CDH4: variants seen among roughly 807,000 people sequenced by gnomAD.
CDH4 encodes the protein cadherin 4.
CDH4 carries 33 observed loss-of-function variants against 86.0 expected under a neutral mutation model. The ratio of observed to expected loss-of-function variants is 0.38; its 90% CI spans 0.29 to 0.51. The LOEUF is 0.51. CDH4 is among the 20% of genes least tolerant of loss of function. CDH4 has a pLI of 0.86. For synonymous variants in CDH4, 555 were observed against 549.4 expected (o/e 1.01, Z -0.14); for missense variants, 1,114 against 1,307.4 (o/e 0.85, Z 2.28).
At chr20:61,878,560 G>T in intron 7 of CDH4, among the ~76,000 whole-genome samples, 1 of 152,000 alleles carries the variant, frequency 6.6e-6, no homozygotes, top group Non-Finnish European at 1.5e-5. Context: ...CAGGGCCCCC[G>T]CCTGGCCCCA....
At chr20:61,706,692 T>C (rs1600895645) in intron 2 of CDH4, among the ~76,000 whole-genome samples, 1 of 152,214 alleles carries the variant, frequency 6.6e-6, no homozygotes, top group East Asian at 1.9e-4. Flanking sequence ...TGATCCCCGA[T>C]GTGTAGAAAC....
intron 4 of CDH4, among the ~76,000 whole-genome samples, chr20:61,813,770 A>G (rs1370741889): frequency 6.6e-6 from 1 of 152,122 alleles, no homozygotes; most frequent in Non-Finnish European, 1.5e-5. Flanking sequence ...GACTCTTCCC[A>G]GGAAGCTATG....
chr20:61,288,275 C>T (rs1175116831), intron 2 of CDH4, among the ~76,000 whole-genome samples: 3 of 152,154 alleles, frequency 2.0e-5, no homozygotes, highest in African/African-American at 7.2e-5. Context: ...TCTCAATCTT[C>T]TGGATAGGCC....
chr20:61,505,085 A>G (rs2085731012), intron 2 of CDH4, among the ~76,000 whole-genome samples: 1 of 152,190 alleles, frequency 6.6e-6, no homozygotes, highest in African/African-American at 2.4e-5. Context: ...GGTGGAGATT[A>G]TTTTAAAATC....
In CDH4 at chr20:61,517,742, C is replaced by T. The variant is rs557943274; in HGVS notation, c.170-225821C>T. Among the ~76,000 whole-genome samples the T allele has an allele frequency of 6.6e-6, 1 of 152,300 alleles. No homozygotes were observed. Among genetic ancestry groups the T allele is most frequent in the South Asian group, 2.1e-4 (1 of 4,816 alleles). On this transcript the variant is annotated intron_variant, in intron 2 of 15. Coordinates refer to ENST00000614565, the MANE Select transcript of CDH4 (RefSeq NM_001794.5). The surrounding 1 kb of genome is among the most constrained non-coding windows in gnomAD (Gnocchi z 6.6). ...GAACAGCACACTCAAGGTCACCATT[C>T]GTCTTATTCTTGTCAGCTATTATAT...
intron 2 of CDH4, among the ~76,000 whole-genome samples, chr20:61,482,205 G>A (rs972365335): frequency 2.4e-4 from 36 of 152,226 alleles, no homozygotes; most frequent in Non-Finnish European, 4.3e-4. Flanking sequence ...GGGCCCGGAA[G>A]AAGCCAGAAG....
intron 6 of CDH4, among the ~76,000 whole-genome samples, chr20:61,864,624 G>T (rs1430877490): frequency 6.6e-6 from 1 of 152,158 alleles, no homozygotes; most frequent in Non-Finnish European, 1.5e-5. Flanking sequence ...AGGCACCGCA[G>T]CTCCCTCTCC....
chr20:61,461,053 T>C (rs1359328456), intron 2 of CDH4, among the ~76,000 whole-genome samples: 1 of 152,192 alleles, frequency 6.6e-6, no homozygotes, highest in Non-Finnish European at 1.5e-5. Flanking sequence ...GAAGACCAGG[T>C]TCCTAATACA....
At chr20:61,461,590 A>G (rs926666572) in intron 2 of CDH4, among the ~76,000 whole-genome samples, 2 of 152,052 alleles carry the variant, frequency 1.3e-5, no homozygotes, top group African/African-American at 4.8e-5. Context: ...ATGCAACGGG[A>G]CCCACGTGGG....
At chr20:61,344,147 G>A (rs1386286206) in intron 2 of CDH4, among the ~76,000 whole-genome samples, 2 of 152,170 alleles carry the variant, frequency 1.3e-5, no homozygotes, top group Non-Finnish European at 2.9e-5. Flanking sequence ...GGACTGGGGA[G>A]GAGACGGGTT....
chr20:61,391,621 T>G (rs552753062), intron 2 of CDH4, among the ~76,000 whole-genome samples: 1 of 152,342 alleles, frequency 6.6e-6, no homozygotes, highest in Non-Finnish European at 1.5e-5. Context: ...GTTTCCTGGT[T>G]GCAGCATGTC....
rs529455228 is a variant in CDH4, at chr20:61,852,679, C to T, written c.733-75C>T. On this transcript the variant is annotated intron_variant, in intron 5 of 15. Transcript: ENST00000614565. ...TGCCATCAGTCTCCTACCCCAGCACCGCGGGTCCCAGGCCGCTCTCAGCTG... is the reference window on the plus strand; with the variant it reads ...TGCCATCAGTCTCCTACCCCAGCACTGCGGGTCCCAGGCCGCTCTCAGCTG... 1.1e-4 allele frequency: 161 copies of T among 1,509,346 alleles called. No homozygotes were observed. The African/African-American group carries it at 1.3e-3, about 12-fold the overall frequency. The allele number at this position is 1,509,346 out of a possible 1,614,324, so 93.5% of individuals were successfully genotyped here.
At chr20:61,367,894 G>A (rs1469496541) in intron 2 of CDH4, among the ~76,000 whole-genome samples, 4 of 118,688 alleles carry the variant, frequency 3.4e-5, no homozygotes, top group Non-Finnish European at 6.6e-5. Context: ...TTTTTGAGAT[G>A]GAATCTTGCT....
intron 4 of CDH4, among the ~76,000 whole-genome samples, chr20:61,809,230 G>T (rs960884103): frequency 6.6e-6 from 1 of 152,188 alleles, no homozygotes; most frequent in Non-Finnish European, 1.5e-5. Context: ...GTCATGACCC[G>T]CCATGGTGGT....
chr20:61,312,207 A>G (rs1226369268), intron 2 of CDH4, among the ~76,000 whole-genome samples: 1 of 141,642 alleles, frequency 7.1e-6, no homozygotes, highest in Non-Finnish European at 1.5e-5. Flanking sequence ...TGATGTGTGC[A>G]TATGTGCGGT....
chr20:61,336,809 C>T (rs1419111229), intron 2 of CDH4, among the ~76,000 whole-genome samples: 1 of 152,160 alleles, frequency 6.6e-6, no homozygotes, highest in Non-Finnish European at 1.5e-5. Flanking sequence ...CTGGACTTTA[C>T]AAGGAAGGAC....
chr20:61,842,853 T>C (rs1359498117), intron 4 of CDH4, among the ~76,000 whole-genome samples: 2 of 152,218 alleles, frequency 1.3e-5, no homozygotes, highest in East Asian at 3.9e-4. Context: ...ATTTTGATTA[T>C]GAAAACATTC....
intron 2 of CDH4, among the ~76,000 whole-genome samples, chr20:61,449,930 G>A (rs922348252): frequency 1.3e-5 from 2 of 152,196 alleles, no homozygotes; most frequent in Admixed American, 6.5e-5. Flanking sequence ...ATCATCAGAT[G>A]GGTAAAAGGC....
At position 61,913,456 on chromosome 20, in the gene CDH4, A is replaced by G. The variant is rs1232316627; in HGVS notation, c.1374+2849A>G. 2.6e-5 allele frequency among the ~76,000 whole-genome samples: 4 copies of G among 152,240 alleles called. 1 individual carries two copies. The highest frequency in any genetic ancestry group is 9.6e-5 in the African/African-American group (4 of 41,472). On this transcript the variant is annotated intron_variant, in intron 9 of 15. Transcript: ENST00000614565. The stretch of plus-strand genomic sequence containing the variant: ...GGAAGCGCCAGTGTCTTGGGACTGC[A>G]TGGGCCTCGTGGCACTGGGCCAGGC...
Sources: allele counts gnomAD v4.1 joint callset (sites outside exome capture counted in the v4.1 genomes callset), GRCh38; gene constraint gnomAD v4.1.1; non-coding constraint Gnocchi (gnomAD v3.1); transcripts MANE v1.5; gene names NCBI Gene and HGNC (gene_info 2026-07-23, HGNC 2026-07-21).